KMT2A: variants seen among roughly 807,000 people sequenced by gnomAD.
KMT2A encodes histone-lysine N-methyltransferase 2A.
In KMT2A, 16 loss-of-function variants were observed where a neutral mutation model predicts 345.3. The observed-to-expected ratio is 0.05, with a 90% confidence interval of 0.03 to 0.07. KMT2A has a LOEUF of 0.07. Ranked by LOEUF, KMT2A falls within the 10% of genes least tolerant of loss-of-function variation. KMT2A has a pLI of 1.00. For synonymous variants in KMT2A, 1,599 were observed against 1,778.6 expected (o/e 0.90, Z 2.54); for missense variants, 3,272 against 4,841.6 (o/e 0.68, Z 9.62).
chr11:118,519,577 G>A (rs782141758), intron 31 of KMT2A, 41 bp from the exon 32 acceptor site: 15 of 1,580,448 alleles, frequency 9.5e-6, no homozygotes, highest in Non-Finnish European at 1.2e-5. Context: ...GTTTCCTGTT[G>A]ACTGCGCTCC....
At position 118,526,719 on chromosome 11, in the gene KMT2A, A is replaced by G. The variant is rs1951090133; in HGVS notation, c.*4547A>G. ...TCTACGAAAGACTGAATGTAAAAGTAAAAAGTGTACATAGTTGTAAAAAAA... is the reference window on the plus strand; with the variant it reads ...TCTACGAAAGACTGAATGTAAAAGTGAAAAGTGTACATAGTTGTAAAAAAA... On this transcript the variant is annotated 3_prime_UTR_variant, in exon 36 of 36. Transcript: ENST00000534358. The G allele has an allele frequency of 4.3e-6, 1 of 231,250 alleles. No homozygotes were observed. Among genetic ancestry groups the G allele is most frequent in the African/African-American group, 2.2e-5 (1 of 45,286 alleles). The allele number at this position is 231,250 out of a possible 1,614,324, so 14.3% of individuals were successfully genotyped here.
chr11:118,499,987 TG>T, intron 24 of KMT2A, 74 bp downstream of exon 24: 1 of 947,292 alleles, frequency 1.1e-6, no homozygotes, highest in East Asian at 2.4e-5. Flanking sequence ...GGTCATTAAA[TG>T]TAGAGGCATA....
rs1245945010 is a variant in KMT2A, at chr11:118,497,562, A to AT, written c.5665-369dup. Among the ~76,000 whole-genome samples the AT allele has an allele frequency of 1.3e-5, 2 of 151,552 alleles. No homozygotes were observed. Among genetic ancestry groups the AT allele is most frequent in the African/African-American group, 4.8e-5 (2 of 41,290 alleles). ...AGATGCGCACCACCATGCCTGGCTA[A>AT]TTTTTGTTTTGTTTTTGTTGAGACA... On this transcript the variant is annotated intron_variant, in intron 20 of 35. Coordinates refer to ENST00000534358, the MANE Select transcript of KMT2A (RefSeq NM_001197104.2). The surrounding 1 kb of genome is among the most constrained non-coding windows in gnomAD (Gnocchi z 4.8).
chr11:118,520,365 C>A lies in KMT2A; in HGVS notation c.11429+301C>A. 1 of 364,404 alleles carries A rather than the reference C, an allele frequency of 2.7e-6. No homozygotes were observed. The allele number at this position is 364,404 out of a possible 1,614,324, so 22.6% of individuals were successfully genotyped here. ...AGTACTATATATACTAAAAATGGGA[C>A]TCATTGGCCAGGCACAGTGGCTCAT... On this transcript the variant is annotated intron_variant, in intron 33 of 35. Coordinates refer to ENST00000534358, the MANE Select transcript of KMT2A (RefSeq NM_001197104.2). This position sits in a 1 kb window ranked among gnomAD's most constrained non-coding sequence, Gnocchi z 4.3.
chr11:118,465,269 C>T (rs1184934688), intron 1 of KMT2A, among the ~76,000 whole-genome samples: 1 of 152,000 alleles, frequency 6.6e-6, no homozygotes, highest in Non-Finnish European at 1.5e-5. Flanking sequence ...ATGAAGGGCA[C>T]CCATTTTTCT....
Position 118,484,297 on chromosome 11 carries a change from A to C in KMT2A, c.4201A>C (p.Ile1401Leu), listed in dbSNP as rs1485749699. Reference sequence around the variant, plus strand: ...AATTCCAGCAGATGGAGTCCACAGGATCAGAGTGGACTTTAAGGTAAAGGT... The same window carrying C: ...AATTCCAGCAGATGGAGTCCACAGGCTCAGAGTGGACTTTAAGGTAAAGGT... ...QKIPADGVHR[I>L]RVDFKEDCEA... is the part of the protein sequence containing the mutation. The change falls in exon 9 of 36, where the codon ATC becomes CTC. Residue 1401 changes from isoleucine to leucine, a missense_variant. By Grantham distance (5) the Ile-to-Leu change is conservative. Coordinates refer to ENST00000534358, the MANE Select transcript of KMT2A (RefSeq NM_001197104.2). This position sits in a 1 kb window ranked among gnomAD's most constrained non-coding sequence, Gnocchi z 4.1. 1 of 1,613,972 alleles carries C rather than the reference A, an allele frequency of 6.2e-7. No homozygotes were observed. The highest frequency in any genetic ancestry group is 8.5e-7 in the Non-Finnish European group (1 of 1,179,958).
Position 118,505,821 on chromosome 11 carries a change from G to A in KMT2A, c.9929G>A (p.Gly3310Glu), listed in dbSNP as rs2134408695. Residue 3310 changes from glycine (G) to glutamate (E), a missense_variant, in exon 27 of 36, where the codon GGA becomes GAA. Transcript: ENST00000534358. This position sits in a 1 kb window ranked among gnomAD's most constrained non-coding sequence, Gnocchi z 4.6. ...GCACCCCTGTTACCACAGAGTGTGG[G>A]AGGAACTGCTGCCACAGCGGCAGGC... ...EPAPLLPQSVGGTAATAAGTS... is the reference protein window; with the variant it reads ...EPAPLLPQSVEGTAATAAGTS... The A allele has an allele frequency of 1.2e-6, 2 of 1,614,100 alleles. No individual in the cohort carries two copies. The highest frequency in any genetic ancestry group is 1.7e-6 in the Non-Finnish European group (2 of 1,179,992).
chr11:118,487,624 C>A (rs1220748809), intron 10 of KMT2A, among the ~76,000 whole-genome samples: 1 of 152,070 alleles, frequency 6.6e-6, no homozygotes, highest in Admixed American at 6.5e-5. Flanking sequence ...AATTTGAGAA[C>A]AAGTTGCAGA....
At position 118,504,756 on chromosome 11, in the gene KMT2A, T is replaced by C. The variant is rs782270841; in HGVS notation, c.8864T>C (p.Ile2955Thr). Residue 2955 changes from isoleucine to threonine, a missense_variant, in exon 27 of 36, where the codon ATC (isoleucine) becomes ACC (threonine). Physicochemically the swap from Ile to Thr is moderately conservative, Grantham distance 89. Coordinates refer to ENST00000534358, the MANE Select transcript of KMT2A (RefSeq NM_001197104.2). This position sits in a 1 kb window ranked among gnomAD's most constrained non-coding sequence, Gnocchi z 6.4. ...PSQNPSRLAVISDSGEKRVTI... is the reference protein window; with the variant it reads ...PSQNPSRLAVTSDSGEKRVTI... ...CAGAATCCCAGTAGACTAGCTGTTA[T>C]CTCAGACTCAGGGGAGAAGAGAGTA... 1.9e-5 allele frequency: 31 copies of C among 1,613,998 alleles called. No homozygotes were observed. The highest frequency in any genetic ancestry group is 2.4e-5 in the Non-Finnish European group (28 of 1,180,038).
Position 118,519,666 on chromosome 11 carries a change from T to A in KMT2A, c.11195T>A (p.Phe3732Tyr), listed in dbSNP as rs782469162. ...MLGILHDAVV[F>Y]LIEQLSGAKH... ...GGGATTCTCCATGATGCAGTTGTGTTCCTCATTGAGCAGCTGTCTGGTGCC... is the reference window on the plus strand; with the variant it reads ...GGGATTCTCCATGATGCAGTTGTGTACCTCATTGAGCAGCTGTCTGGTGCC... The change falls in exon 32 of 36, where the codon TTC becomes TAC. Residue 3732 changes from phenylalanine (F) to tyrosine (Y), a missense_variant. Around this residue, in one of 27 missense-constraint regions of KMT2A, gnomAD observed 72 missense variants for 135.6 expected, o/e 0.53. Coordinates refer to ENST00000534358, the MANE Select transcript of KMT2A (RefSeq NM_001197104.2). 1.9e-6 allele frequency: 3 copies of A among 1,614,042 alleles called. No individual in the cohort carries two copies. In the East Asian group the frequency reaches 6.7e-5, roughly 36 times the overall value.
At chr11:118,452,630 TTTTC>T (rs1431621212) in intron 1 of KMT2A, among the ~76,000 whole-genome samples, 3 of 149,636 alleles carry the variant, frequency 2.0e-5, no homozygotes, top group East Asian at 2.0e-4. Flanking sequence ...TTCTTTTTTT[TTTTC>T]TTTCTTGTTT....
Position 118,525,883 on chromosome 11 carries a change from T to C in KMT2A, c.*3711T>C, listed in dbSNP as rs1555055418. 1 of 225,382 alleles carries C rather than the reference T, an allele frequency of 4.4e-6. No homozygotes were observed. Among genetic ancestry groups the C allele is most frequent in the East Asian group, 6.4e-5 (1 of 15,558 alleles). 14.0% of individuals were successfully genotyped at this position (225,382 alleles called of 1,614,324 possible). A position where few individuals can be genotyped will look rare whatever the true frequency, so the allele number is the denominator to read the frequency against. On this transcript the variant is annotated 3_prime_UTR_variant, in exon 36 of 36. Transcript: ENST00000534358. Reference sequence around the variant, plus strand: ...TTCATTTTAAAGCAATACAAGGTTATGGAGCAGATGGTTTTGTGCCGAATC... The same window carrying C: ...TTCATTTTAAAGCAATACAAGGTTACGGAGCAGATGGTTTTGTGCCGAATC...
chr11:118,467,401 C>T (rs1287468220), intron 1 of KMT2A, among the ~76,000 whole-genome samples: 1 of 151,568 alleles, frequency 6.6e-6, no homozygotes, highest in Non-Finnish European at 1.5e-5. Context: ...AATTATAATA[C>T]TTTTTCAGAT....
At chr11:118,468,976 C>G in intron 2 of KMT2A, 132 bp downstream of exon 2, 2 of 534,014 alleles carry the variant, frequency 3.7e-6, no homozygotes, top group Non-Finnish European at 6.7e-6. Context: ...AGCTAGACTT[C>G]TTTTTATTTA....
At chr11:118,456,692 C>T (rs1407927570) in intron 1 of KMT2A, among the ~76,000 whole-genome samples, 2 of 152,184 alleles carry the variant, frequency 1.3e-5, no homozygotes, top group Admixed American at 1.3e-4. Context: ...CATCTACCCT[C>T]CTTTTCTTTC....
At chr11:118,447,207 G>A (rs79587981) in intron 1 of KMT2A, among the ~76,000 whole-genome samples, 179 of 152,188 alleles carry the variant, frequency 1.2e-3, no homozygotes, top group African/African-American at 3.7e-3. Flanking sequence ...ACCTTATGTC[G>A]TGGTACTTTT....
Position 118,507,384 on chromosome 11 carries a change from T to G in KMT2A, c.10755-145T>G, listed in dbSNP as rs1443036922. 1.3e-5 allele frequency: 9 copies of G among 667,744 alleles called. No individual in the cohort carries two copies. The African/African-American group carries it at 1.6e-4, about 12-fold the overall frequency. The allele number at this position is 667,744 out of a possible 1,614,324, so 41.4% of individuals were successfully genotyped here. On this transcript the variant is annotated intron_variant, in intron 27 of 35. Coordinates refer to ENST00000534358, the MANE Select transcript of KMT2A (RefSeq NM_001197104.2). The stretch of plus-strand genomic sequence containing the variant: ...AGTGCCCCCTCAAAGTAACCATTAT[T>G]CTAACCTTTATGACCTTAGGTCAGT...
chr11:118,510,226 A>G lies in KMT2A; in HGVS notation c.11071+108A>G. On this transcript the variant is annotated intron_variant, in intron 30 of 35. Coordinates refer to ENST00000534358, the MANE Select transcript of KMT2A (RefSeq NM_001197104.2). This position sits in a 1 kb window ranked among gnomAD's most constrained non-coding sequence, Gnocchi z 4.1. Reference sequence around the variant, plus strand: ...AGGTGGCTGTTTTATGCTAGATGGTAGGGGGATACCTGGAGGCATCATACA... The same window carrying G: ...AGGTGGCTGTTTTATGCTAGATGGTGGGGGGATACCTGGAGGCATCATACA... The G allele has an allele frequency of 1.2e-6, 1 of 835,808 alleles. No homozygotes were observed. Among genetic ancestry groups the G allele is most frequent in the Non-Finnish European group, 1.9e-6 (1 of 540,228 alleles). The allele number at this position is 835,808 out of a possible 1,614,324, so 51.8% of individuals were successfully genotyped here.
Position 118,475,525 on chromosome 11 carries a change from C to T in KMT2A, c.3156+1210C>T, listed in dbSNP as rs1950021279. Reference sequence around the variant, plus strand: ...GATCACGAGGTCAGGAGATCGAGACCATCCTGGCTAACACGGTGAAACCCT... The same window carrying T: ...GATCACGAGGTCAGGAGATCGAGACTATCCTGGCTAACACGGTGAAACCCT... On this transcript the variant is annotated intron_variant, in intron 3 of 35. Transcript: ENST00000534358. Among the ~76,000 whole-genome samples, 4 of 152,214 alleles carry T rather than the reference C, an allele frequency of 2.6e-5. No homozygotes were observed. In the South Asian group the frequency reaches 8.3e-4, roughly 32 times the overall value.
Sources: allele counts gnomAD v4.1 joint callset (sites outside exome capture counted in the v4.1 genomes callset), GRCh38; gene constraint gnomAD v4.1.1; regional missense constraint gnomAD v4.1.1; non-coding constraint Gnocchi (gnomAD v3.1); transcripts MANE v1.5; gene names NCBI Gene and HGNC (gene_info 2026-07-23, HGNC 2026-07-21).